The following REEP1 variants were observed in gnomAD, a reference collection of about 807,000 sequenced individuals.
REEP1 encodes the protein receptor expression-enhancing protein 1.
In REEP1, 22 loss-of-function variants were observed where a neutral mutation model predicts 40.3. The ratio of observed to expected loss-of-function variants is 0.55; its 90% CI spans 0.39 to 0.78. The LOEUF is 0.78. REEP1 is among the 30% of genes least tolerant of loss of function. REEP1 has a pLI of 0.00. For missense variants in REEP1, 280 were observed against 361.1 expected, an observed-to-expected ratio of 0.78 and a Z score of 1.82; for synonymous variants, 116 against 139.2, an observed-to-expected ratio of 0.83 and a Z score of 1.17.
At position 86,234,936 on chromosome 2, in the gene REEP1, A is replaced by G. The variant is rs571592342; in HGVS notation, c.418-2134T>C. Among the ~76,000 whole-genome samples the G allele has an allele frequency of 9.8e-5, 15 of 152,368 alleles. 1 individual carries two copies. In the East Asian group the frequency reaches 2.7e-3, roughly 27 times the overall value. ...TAGGCAGCATCTAGAATTTAGAAGA[A>G]ATTTGATGACTAAGGAACAAAACTT... On this transcript the variant is annotated intron_variant, in intron 5 of 8. Transcript: ENST00000538924.
At chr2:86,282,138 C>A (rs1678129749) in intron 2 of REEP1, 32 bp downstream of exon 2, 1 of 1,506,108 alleles carries the variant, frequency 6.6e-7, no homozygotes. Context: ...TGACTCCAGC[C>A]AACCCGCTCG....
chr2:86,333,118 C>A (rs146024076), intron 1 of REEP1, among the ~76,000 whole-genome samples: 85 of 152,376 alleles, frequency 5.6e-4, no homozygotes, highest in African/African-American at 1.6e-3. Flanking sequence ...GGAAATCAAT[C>A]CTCAACCAAC....
chr2:86,226,284 G>T lies in REEP1; in HGVS notation c.631+1079C>A, dbSNP rs7591740. Reference sequence around the variant, plus strand: ...GAACTGAAGCTCACAGCGGTTAGGTGATTCACGCAAAGTTGCACAGCAAGT... The same window carrying T: ...GAACTGAAGCTCACAGCGGTTAGGTTATTCACGCAAAGTTGCACAGCAAGT... On this transcript the variant is annotated intron_variant, in intron 7 of 8. Transcript: ENST00000538924. Among the ~76,000 whole-genome samples, 1,060 of 152,132 alleles carry T rather than the reference G, an allele frequency of 7.0e-3. 18 individuals are homozygous for T. The highest frequency in any genetic ancestry group is 0.025 in the African/African-American group (1,025 of 41,488).
intron 1 of REEP1, among the ~76,000 whole-genome samples, chr2:86,324,401 T>C (rs1324252248): frequency 6.6e-6 from 1 of 152,198 alleles, no homozygotes; most frequent in African/African-American, 2.4e-5. Context: ...ATGCTCAGTC[T>C]CATGAGTGTT....
At chr2:86,329,575 G>T (rs1680671188) in intron 1 of REEP1, among the ~76,000 whole-genome samples, 1 of 152,156 alleles carries the variant, frequency 6.6e-6, no homozygotes, top group South Asian at 2.1e-4. Flanking sequence ...AGACAATAAT[G>T]AAAACCTCAG....
chr2:86,306,887 AG>A (rs1200661665), intron 1 of REEP1, among the ~76,000 whole-genome samples: 2 of 151,328 alleles, frequency 1.3e-5, no homozygotes, highest in Non-Finnish European at 2.9e-5. Flanking sequence ...GGGAGCCAAA[AG>A]AAAAAAAAAA....
intron 3 of REEP1, 128 bp from the exon 4 acceptor site, chr2:86,254,942 C>A (rs1676474503): frequency 2.1e-6 from 2 of 964,466 alleles, no homozygotes; most frequent in Middle Eastern, 2.2e-4. Context: ...TCCCAGATTC[C>A]TCTGTCCTCC....
At chr2:86,229,804 G>C (rs1674912440) in intron 6 of REEP1, among the ~76,000 whole-genome samples, 1 of 151,838 alleles carries the variant, frequency 6.6e-6, no homozygotes, top group Admixed American at 6.6e-5. Context: ...TAGAGACGGG[G>C]TTTCTCCATG....
At position 86,277,219 on chromosome 2, in the gene REEP1, C is replaced by T. The variant is rs1376023876; in HGVS notation, c.105+4951G>A. 2.0e-5 allele frequency among the ~76,000 whole-genome samples: 3 copies of T among 152,124 alleles called. No individual in the cohort carries two copies. In the East Asian group the frequency reaches 5.8e-4, roughly 29 times the overall value. On this transcript the variant is annotated intron_variant, in intron 2 of 8. Coordinates refer to ENST00000538924, the MANE Select transcript of REEP1 (RefSeq NM_001371279.1). ...GAAAGAAGAGCAGATGGAAGTCAAA[C>T]AGCCTTGGGGGGGCCTCCTAGTACT... is the stretch of plus-strand genomic sequence containing the variant.
intron 1 of REEP1, among the ~76,000 whole-genome samples, chr2:86,335,010 C>G (rs1680946032): frequency 6.6e-6 from 1 of 152,188 alleles, no homozygotes; most frequent in South Asian, 2.1e-4. Flanking sequence ...CATGGGCGTT[C>G]TGACTCCAAA....
At chr2:86,228,651 T>C (rs1027377305) in intron 6 of REEP1, among the ~76,000 whole-genome samples, 1 of 151,904 alleles carries the variant, frequency 6.6e-6, no homozygotes, top group African/African-American at 2.4e-5. Context: ...AGAGACAGGG[T>C]TTCTCTGTGT....
At position 86,317,351 on chromosome 2, in the gene REEP1, G is replaced by C. The variant is rs115742718; in HGVS notation, c.32+20128C>G. Among the ~76,000 whole-genome samples the C allele has an allele frequency of 4.2e-4, 64 of 152,246 alleles. No individual in the cohort carries two copies. The Middle Eastern group carries it at 0.017, about 40-fold the overall frequency. On this transcript the variant is annotated intron_variant, in intron 1 of 8. Transcript: ENST00000538924. ...CATGCTGGATAAAGGTGTGGAATTAGAGTTGAATTTCTTAGGGTGGTAATG... is the reference window on the plus strand; with the variant it reads ...CATGCTGGATAAAGGTGTGGAATTACAGTTGAATTTCTTAGGGTGGTAATG...
chr2:86,234,476 C>T (rs1475461695), intron 5 of REEP1, among the ~76,000 whole-genome samples: 1 of 152,130 alleles, frequency 6.6e-6, no homozygotes, highest in Non-Finnish European at 1.5e-5. Context: ...CGGGATCATA[C>T]CACTGCACTC....
intron 7 of REEP1, among the ~76,000 whole-genome samples, chr2:86,220,752 T>G (rs1674374240): frequency 6.6e-6 from 1 of 151,716 alleles, no homozygotes; most frequent in South Asian, 2.1e-4. Context: ...CAGAGAAACC[T>G]AAGGAAGGAG....
intron 5 of REEP1, among the ~76,000 whole-genome samples, chr2:86,248,557 C>A (rs1165407713): frequency 2.6e-5 from 4 of 152,098 alleles, no homozygotes; most frequent in African/African-American, 9.7e-5. Context: ...AAGCGATGAT[C>A]CTCCTGCCTC....
At chr2:86,262,374 A>C (rs1414016093) in intron 3 of REEP1, among the ~76,000 whole-genome samples, 3 of 152,110 alleles carry the variant, frequency 2.0e-5, no homozygotes, top group Non-Finnish European at 4.4e-5. Context: ...ACTTAAGGAG[A>C]CTCAGCTTCA....
At chr2:86,273,144 A>AAT (rs1412002502) in intron 2 of REEP1, among the ~76,000 whole-genome samples, 5 of 151,134 alleles carry the variant, frequency 3.3e-5, no homozygotes, top group Admixed American at 3.3e-4. Context: ...CTGTCTCAAA[A>AAT]AAAAAAAAAA....
At chr2:86,239,478 T>C (rs1675552924) in intron 5 of REEP1, among the ~76,000 whole-genome samples, 1 of 152,076 alleles carries the variant, frequency 6.6e-6, no homozygotes, top group Non-Finnish European at 1.5e-5. Context: ...AGTCAGGAAA[T>C]TGATAACAAA....
chr2:86,283,209 G>A (rs1678194389), intron 1 of REEP1, among the ~76,000 whole-genome samples: 1 of 152,200 alleles, frequency 6.6e-6, no homozygotes, highest in African/African-American at 2.4e-5. Context: ...AGTGCCTTGA[G>A]GGCAGATAAT....
Sources: gnomAD v4.1 joint callset for allele counts (sites outside exome capture counted in the v4.1 genomes callset) on GRCh38, gnomAD v4.1.1 for gene constraint, MANE v1.5 for transcripts, NCBI Gene and HGNC (gene_info 2026-07-23, HGNC 2026-07-21) for gene names.